PTPRD: variants seen among roughly 807,000 people sequenced by gnomAD.
The protein encoded by PTPRD is protein tyrosine phosphatase receptor type D.
Under a neutral mutation model 214.5 loss-of-function variants are expected in PTPRD, and 34 were observed. That is an observed-to-expected ratio of 0.16 (90% CI 0.12 to 0.21). The LOEUF (loss-of-function observed/expected upper bound fraction) is 0.21, where lower values mean the gene tolerates loss of function less well. PTPRD is among the 10% of genes least tolerant of loss of function. PTPRD has a pLI of 1.00. For synonymous variants in PTPRD, 1,128 were observed against 845.7 expected, an observed-to-expected ratio of 1.33 and a Z score of -5.79; for missense variants, 2,545 against 2,398.7, an observed-to-expected ratio of 1.06 and a Z score of -1.27.
At chr9:9,203,838 T>C (rs2099943278) in intron 9 of PTPRD, among the ~76,000 whole-genome samples, 1 of 152,150 alleles carries the variant, frequency 6.6e-6, no homozygotes, top group South Asian at 2.1e-4. Flanking sequence ...ATGTAGAAAA[T>C]GGCTATTTTA....
intron 10 of PTPRD, among the ~76,000 whole-genome samples, chr9:9,177,054 C>T (rs2099925341): frequency 6.6e-6 from 1 of 152,004 alleles, no homozygotes; most frequent in Non-Finnish European, 1.5e-5. Flanking sequence ...CTGCCCAAGA[C>T]TGGGTAATTT....
intron 36 of PTPRD, among the ~76,000 whole-genome samples, chr9:8,400,948 G>T (rs1490676550): frequency 6.6e-6 from 1 of 152,102 alleles, no homozygotes; most frequent in Non-Finnish European, 1.5e-5. Flanking sequence ...AGAAGTCAAG[G>T]TCACCTAGCT....
intron 2 of PTPRD, among the ~76,000 whole-genome samples, chr9:10,488,627 T>C (rs1236058992): frequency 6.6e-6 from 1 of 152,088 alleles, no homozygotes; most frequent in Non-Finnish European, 1.5e-5. Context: ...AGAAGTCTAC[T>C]TGGTGATCTA....
intron 11 of PTPRD, among the ~76,000 whole-genome samples, chr9:8,935,927 T>C (rs1400641130): frequency 6.6e-6 from 1 of 152,148 alleles, no homozygotes; most frequent in Non-Finnish European, 1.5e-5. Context: ...GGAAGTCCCA[T>C]GCATGAAGTG....
At chr9:10,503,199 A>AAAAAAAC (rs767177414) in intron 2 of PTPRD, among the ~76,000 whole-genome samples, 5,375 of 132,082 alleles carry the variant, frequency 0.041, 258 homozygotes, top group Non-Finnish European at 0.065. Flanking sequence ...AATACAAAAA[A>AAAAAAAC]AAAAAAAACA....
intron 9 of PTPRD, among the ~76,000 whole-genome samples, chr9:9,394,075 C>A (rs1044119381): frequency 2.6e-5 from 4 of 152,084 alleles, no homozygotes; most frequent in African/African-American, 4.8e-5. Flanking sequence ...TTAAACCATA[C>A]ATACACACAA....
chr9:9,994,499 T>C (rs752342301), intron 4 of PTPRD, among the ~76,000 whole-genome samples: 11 of 152,104 alleles, frequency 7.2e-5, no homozygotes, highest in East Asian at 1.9e-4. Flanking sequence ...TGGTACATCA[T>C]AGATGCCCAA....
intron 39 of PTPRD, among the ~76,000 whole-genome samples, chr9:8,373,860 GTCTGTCTATCTA>G (rs1379593744): frequency 7.0e-4 from 53 of 75,442 alleles, no homozygotes; most frequent in Admixed American, 3.9e-3. Context: ...GTATGTGTCT[GTCTGTCTATCTA>G]TCTATCTATC....
intron 9 of PTPRD, among the ~76,000 whole-genome samples, chr9:9,330,231 C>T (rs1595883455): frequency 6.6e-6 from 1 of 152,206 alleles, no homozygotes; most frequent in South Asian, 2.1e-4. Context: ...GAACAGTTTT[C>T]CTGTTGTCTT....
At chr9:10,061,063 G>A (rs2097770702) in intron 3 of PTPRD, among the ~76,000 whole-genome samples, 1 of 150,924 alleles carries the variant, frequency 6.6e-6, no homozygotes, top group Non-Finnish European at 1.5e-5. Context: ...GAATACAAAA[G>A]AAAAACAATG....
chr9:9,523,294 C>T (rs2097034554), intron 8 of PTPRD, among the ~76,000 whole-genome samples: 1 of 151,974 alleles, frequency 6.6e-6, no homozygotes, highest in Admixed American at 6.6e-5. Context: ...TCTTCCTGTA[C>T]ACTATTGGAA....
At chr9:10,168,558 G>A in intron 3 of PTPRD, among the ~76,000 whole-genome samples, 1 of 152,100 alleles carries the variant, frequency 6.6e-6, no homozygotes, top group East Asian at 1.9e-4. Flanking sequence ...AGCATCTTTT[G>A]TGCTTCTCTT....
At chr9:8,707,481 TTTCTTGATTACATTG>T (rs1186076916) in intron 12 of PTPRD, among the ~76,000 whole-genome samples, 3 of 152,212 alleles carry the variant, frequency 2.0e-5, no homozygotes, top group African/African-American at 7.2e-5. Context: ...AGTAGCAGTG[TTTCTTGATTACATTG>T]TTCTTGGGAC....
intron 11 of PTPRD, among the ~76,000 whole-genome samples, chr9:8,990,492 C>T (rs895897410): frequency 2.8e-4 from 42 of 152,112 alleles, no homozygotes; most frequent in Admixed American, 7.9e-4. Context: ...TCAGAAGTGG[C>T]CTCAGAAGCT....
intron 11 of PTPRD, among the ~76,000 whole-genome samples, chr9:8,760,618 G>A (rs1469235637): frequency 6.6e-6 from 1 of 151,912 alleles, no homozygotes; most frequent in Admixed American, 6.6e-5. Context: ...GTGTGTGTGT[G>A]TGTGTGTGTG....
chr9:10,477,685 G>C (rs28795164), intron 2 of PTPRD, among the ~76,000 whole-genome samples: 2 of 151,866 alleles, frequency 1.3e-5, no homozygotes, highest in African/African-American at 4.8e-5. Context: ...TGCACACGTA[G>C]GTTATTGCAT....
At chr9:10,032,558 G>A (rs899407981) in intron 4 of PTPRD, among the ~76,000 whole-genome samples, 2 of 152,134 alleles carry the variant, frequency 1.3e-5, no homozygotes, top group African/African-American at 4.8e-5. Context: ...TCCTGATATA[G>A]TGAATTTTTT....
chr9:8,390,408 C>T (rs2089057523), intron 36 of PTPRD, among the ~76,000 whole-genome samples: 1 of 152,082 alleles, frequency 6.6e-6, no homozygotes, highest in African/African-American at 2.4e-5. Flanking sequence ...CTAGAATATA[C>T]TCTGTCTCCT....
chr9:8,871,551 A>G (rs117840377), intron 11 of PTPRD, among the ~76,000 whole-genome samples: 4,061 of 152,228 alleles, frequency 0.027, 81 homozygotes, highest in Non-Finnish European at 0.042. Flanking sequence ...TATATTTAGA[A>G]CCAAGTTCTT....
Sources: gnomAD v4.1 joint callset for allele counts (sites outside exome capture counted in the v4.1 genomes callset) on GRCh38, gnomAD v4.1.1 for gene constraint, MANE v1.5 for transcripts, NCBI Gene and HGNC (gene_info 2026-07-23, HGNC 2026-07-21) for gene names.